DZIP1: variants seen among roughly 807,000 people sequenced by gnomAD.
The protein encoded by DZIP1 is cilium assembly protein DZIP1.
A neutral mutation model predicts 107.6 loss-of-function variants in DZIP1; 97 were observed. That is an observed-to-expected ratio of 0.90 (90% confidence interval 0.77 to 1.07). The LOEUF is 1.07. Among genes scored for constraint, DZIP1 ranks in the 50% least tolerant of loss-of-function variants. The probability of loss-of-function intolerance (pLI) is 0.00; values close to 1 mark genes in which losing one functional copy is unlikely to be tolerated. For synonymous variants in DZIP1, 390 were observed against 386.4 expected (o/e 1.01, Z -0.11); for missense variants, 1,035 against 1,063.6 (o/e 0.97, Z 0.37).
chr13:95,588,816 A>G (rs1033839637), intron 19 of DZIP1, among the ~76,000 whole-genome samples: 3 of 152,182 alleles, frequency 2.0e-5, no homozygotes, highest in African/African-American at 7.2e-5. Context: ...ACAAACTTAC[A>G]CTGTCATGAG....
chr13:95,580,399 C>G lies in DZIP1; in HGVS notation c.*1835G>C, dbSNP rs2043997159. On this transcript the variant is annotated 3_prime_UTR_variant, in exon 23 of 23. Transcript: ENST00000376829. Reference sequence around the variant, plus strand: ...AGCTAAAGGAGGGGCTCTTAAAAGACACAGATATAGTGACTTAATTTAAAT... The same window carrying G: ...AGCTAAAGGAGGGGCTCTTAAAAGAGACAGATATAGTGACTTAATTTAAAT... 2 of 148,950 alleles carry G rather than the reference C, an allele frequency of 1.3e-5. No individual in the cohort carries two copies. Among genetic ancestry groups the G allele is most frequent in the African/African-American group, 4.9e-5 (2 of 40,542 alleles). The allele number at this position is 148,950 out of a possible 1,614,324, so 9.2% of individuals were successfully genotyped here. A position where few individuals can be genotyped will look rare whatever the true frequency, so the allele number is the denominator to read the frequency against.
chr13:95,639,416 C>A (rs1186836159), intron 5 of DZIP1, among the ~76,000 whole-genome samples: 2 of 151,958 alleles, frequency 1.3e-5, no homozygotes, highest in African/African-American at 2.4e-5. Context: ...CACGGTGAAA[C>A]CTCGTCTCTA....
At chr13:95,598,739 A>T (rs1397249894) in intron 15 of DZIP1, among the ~76,000 whole-genome samples, 1 of 152,250 alleles carries the variant, frequency 6.6e-6, no homozygotes, top group East Asian at 1.9e-4. Flanking sequence ...GCATTAGAAA[A>T]TGTTCCTCAT....
chr13:95,640,078 C>T (rs1013230482), intron 5 of DZIP1, among the ~76,000 whole-genome samples: 4 of 151,666 alleles, frequency 2.6e-5, no homozygotes, highest in Non-Finnish European at 5.9e-5. Flanking sequence ...CTGCAACCTC[C>T]GCCTCCTGGG....
chr13:95,636,196 CAAA>C lies in DZIP1; in HGVS notation c.598-2878_598-2876del, dbSNP rs35387094. Reference sequence around the variant, plus strand: ...TGAGTTTAAAAAGAAAGATAAAATACAAAAAAAAAAAAAAGATCTGAAACATCA... The same window carrying C: ...TGAGTTTAAAAAGAAAGATAAAATACAAAAAAAAAAAGATCTGAAACATCA... On this transcript the variant is annotated intron_variant, in intron 5 of 22. Transcript: ENST00000376829. Among the ~76,000 whole-genome samples, 639 of 135,182 alleles carry C rather than the reference CAAA, an allele frequency of 4.7e-3. 9 individuals carry two copies. Among genetic ancestry groups the C allele is most frequent in the African/African-American group, 0.017 (612 of 35,458 alleles). 88.7% of individuals were successfully genotyped at this position (135,182 alleles called of 152,430 possible).
At chr13:95,601,831 C>T (rs1449180105) in intron 14 of DZIP1, among the ~76,000 whole-genome samples, 1 of 152,196 alleles carries the variant, frequency 6.6e-6, no homozygotes, top group Non-Finnish European at 1.5e-5. Flanking sequence ...TCTGACTTTC[C>T]TTGGTCCTGG....
chr13:95,602,292 C>T (rs549467000), intron 14 of DZIP1, among the ~76,000 whole-genome samples: 24 of 152,276 alleles, frequency 1.6e-4, no homozygotes, highest in African/African-American at 5.5e-4. Context: ...GATGCCATCC[C>T]GACATATTCA....
At chr13:95,589,327 C>T in intron 18 of DZIP1, 120 bp from the exon 19 acceptor site, 1 of 730,072 alleles carries the variant, frequency 1.4e-6, no homozygotes, top group Non-Finnish European at 2.3e-6. Flanking sequence ...AGAGCAGCAA[C>T]AAAAGTCACC....
In DZIP1 at chr13:95,642,115, T is replaced by C; in HGVS notation, c.-86A>G. 7.1e-7 allele frequency: 1 copy of C among 1,406,126 alleles called. No homozygotes were observed. Among genetic ancestry groups the C allele is most frequent in the Non-Finnish European group, 9.2e-7 (1 of 1,081,848 alleles). The allele number at this position is 1,406,126 out of a possible 1,614,324, so 87.1% of individuals were successfully genotyped here. On this transcript the variant is annotated 5_prime_UTR_variant, in exon 4 of 23. Coordinates refer to ENST00000376829, the MANE Select transcript of DZIP1 (RefSeq NM_198968.4). ...CCCTCAGGAGCGGGAGAAGGCCGGG[T>C]TCCTCGCTTCCGCGGCGGCGGCGGC... is the stretch of plus-strand genomic sequence containing the variant.
intron 5 of DZIP1, among the ~76,000 whole-genome samples, chr13:95,637,962 TA>T (rs1308913679): frequency 6.6e-6 from 1 of 152,100 alleles, no homozygotes; most frequent in African/African-American, 2.4e-5. Flanking sequence ...ATAGGAAGGA[TA>T]TAGTCAAACA....
rs77837569 is a variant in DZIP1 at position 95,631,990 on chromosome 13, A to T, written c.685+1244T>A. 3.4e-3 allele frequency among the ~76,000 whole-genome samples: 523 copies of T among 152,288 alleles called. 22 individuals carry two copies. In the East Asian group the frequency reaches 0.084, roughly 25 times the overall value. ...TCAGCGGCATTTGATATGACTGACC[A>T]CTGCCTCCTCTGTGAAATACTTTTC... On this transcript the variant is annotated intron_variant, in intron 6 of 22. Transcript: ENST00000376829.
chr13:95,609,808 G>A (rs969719375), intron 12 of DZIP1, among the ~76,000 whole-genome samples: 3 of 151,916 alleles, frequency 2.0e-5, no homozygotes, highest in Admixed American at 1.3e-4. Context: ...CCTCTTTCCC[G>A]AACTCTTTAT....
At chr13:95,596,583 C>T (rs998563626) in intron 15 of DZIP1, among the ~76,000 whole-genome samples, 12 of 152,186 alleles carry the variant, frequency 7.9e-5, no homozygotes, top group African/African-American at 2.9e-4. Flanking sequence ...CTGCACTAAA[C>T]TATGGACAGT....
intron 5 of DZIP1, among the ~76,000 whole-genome samples, chr13:95,637,706 G>T (rs1401606303): frequency 6.6e-6 from 1 of 151,970 alleles, no homozygotes. Context: ...TTACAAGCCA[G>T]GAAGAGAGGC....
intron 6 of DZIP1, among the ~76,000 whole-genome samples, chr13:95,631,353 G>A (rs1251783772): frequency 6.6e-6 from 1 of 152,024 alleles, no homozygotes; most frequent in African/African-American, 2.4e-5. Context: ...CGTAGTCCCA[G>A]CTACTTGGGA....
At chr13:95,595,872 T>C (rs1414292577) in intron 15 of DZIP1, among the ~76,000 whole-genome samples, 2 of 152,200 alleles carry the variant, frequency 1.3e-5, no homozygotes, top group Non-Finnish European at 2.9e-5. Flanking sequence ...AATGACTTGG[T>C]TGCAGTTAGA....
Position 95,599,560 on chromosome 13 carries a change from A to G in DZIP1, c.1478-136T>C, listed in dbSNP as rs544268557. 4.6e-5 allele frequency: 34 copies of G among 737,802 alleles called. No individual in the cohort carries two copies. In the African/African-American group the frequency reaches 5.3e-4, roughly 12 times the overall value. 45.7% of individuals were successfully genotyped at this position (737,802 alleles called of 1,614,324 possible). A position where few individuals can be genotyped will look rare whatever the true frequency, so the allele number is the denominator to read the frequency against. On this transcript the variant is annotated intron_variant, in intron 14 of 22. Coordinates refer to ENST00000376829, the MANE Select transcript of DZIP1 (RefSeq NM_198968.4). ...TGAATAGCAAGAATTTACTGAGGAA[A>G]AAACGTTGAGGCAATCAGTCATAGA...
At chr13:95,636,299 T>G (rs1242060139) in intron 5 of DZIP1, among the ~76,000 whole-genome samples, 1 of 151,770 alleles carries the variant, frequency 6.6e-6, no homozygotes. Context: ...TCCCAGCACT[T>G]TGGGAGGCCA....
At chr13:95,625,689 A>G (rs1315795708) in intron 7 of DZIP1, among the ~76,000 whole-genome samples, 2 of 152,190 alleles carry the variant, frequency 1.3e-5, no homozygotes, top group East Asian at 1.9e-4. Flanking sequence ...TAAACAACCA[A>G]TGGGTTAAGG....
Sources: gnomAD v4.1 joint callset for allele counts (sites outside exome capture counted in the v4.1 genomes callset) on GRCh38, gnomAD v4.1.1 for gene constraint, MANE v1.5 for transcripts, NCBI Gene and HGNC (gene_info 2026-07-23, HGNC 2026-07-21) for gene names.